The following SUGCT variants were observed in gnomAD, a reference collection of about 807,000 sequenced individuals.
SUGCT encodes the protein succinyl-CoA:glutarate CoA-transferase.
Under a neutral mutation model 55.0 loss-of-function variants are expected in SUGCT, and 41 were observed. The ratio of observed to expected loss-of-function variants is 0.74; its 90% CI spans 0.58 to 0.97. The LOEUF is 0.97. SUGCT is among the 50% of genes least tolerant of loss of function. The pLI is 0.00. For synonymous variants in SUGCT, 187 were observed against 200.4 expected (o/e 0.93, Z 0.56); for missense variants, 568 against 547.8 (o/e 1.04, Z -0.37).
chr7:40,514,037 G>A (rs1793094879), intron 12 of SUGCT, among the ~76,000 whole-genome samples: 2 of 151,798 alleles, frequency 1.3e-5, no homozygotes, highest in African/African-American at 2.4e-5. Flanking sequence ...TGATCCGCCC[G>A]CCTCGGCCTC....
intron 13 of SUGCT, among the ~76,000 whole-genome samples, chr7:40,849,644 G>A (rs1215095103): frequency 6.6e-6 from 1 of 152,144 alleles, no homozygotes; most frequent in Non-Finnish European, 1.5e-5. Context: ...TGGGGTGTTT[G>A]CATAGATTGG....
chr7:40,928,970 C>T, the SUGCT span, among the ~76,000 whole-genome samples: 1 of 151,996 alleles, frequency 6.6e-6, no homozygotes, highest in African/African-American at 2.4e-5. Context: ...TTCTAGGGTA[C>T]ATGTGCACAA....
intron 12 of SUGCT, among the ~76,000 whole-genome samples, chr7:40,605,907 G>C (rs547274854): frequency 3.3e-5 from 5 of 152,310 alleles, no homozygotes; most frequent in Non-Finnish European, 2.9e-5. Flanking sequence ...GGAGTCCAAG[G>C]AGTGGAGCTT....
chr7:40,171,310 A>T (rs1343171349), intron 1 of SUGCT, among the ~76,000 whole-genome samples: 1 of 152,196 alleles, frequency 6.6e-6, no homozygotes, highest in African/African-American at 2.4e-5. Flanking sequence ...CTGAGTGTAA[A>T]CAGCTCACAT....
rs759916398 is a variant in SUGCT, at chr7:40,189,589, A to C, written c.358A>C (p.Lys120Gln). The C allele has an allele frequency of 1.4e-6, 2 of 1,412,366 alleles. No individual in the cohort carries two copies. The highest frequency in any genetic ancestry group is 2.9e-5 in the African/African-American group (2 of 69,536). The allele number at this position is 1,412,366 out of a possible 1,614,324, so 87.5% of individuals were successfully genotyped here. The stretch of plus-strand genomic sequence containing the variant: ...GGATCCAAAAGGGGTGAAAATCATC[A>C]AAGAGGTACAGTATGATGTATAGAA... ...IKDPKGVKII[K>Q]ELAAVCDVFV... The change falls in exon 5 of 14, where the codon AAA becomes CAA. Residue 120 changes from lysine (K) to glutamine (Q), a missense_variant. Transcript: ENST00000335693.
chr7:40,816,778 A>G (rs1249724416), intron 13 of SUGCT, among the ~76,000 whole-genome samples: 2 of 152,198 alleles, frequency 1.3e-5, no homozygotes, highest in African/African-American at 4.8e-5. Flanking sequence ...TAGCAAGCCC[A>G]TTGTATGCAA....
chr7:40,281,404 TC>T (rs1404531734), intron 8 of SUGCT, among the ~76,000 whole-genome samples: 2 of 152,226 alleles, frequency 1.3e-5, no homozygotes, highest in African/African-American at 4.8e-5. Flanking sequence ...TTTTGTTTTT[TC>T]TTCCTTTAAG....
chr7:40,315,870 T>C (rs536210244), intron 8 of SUGCT, among the ~76,000 whole-genome samples: 5 of 152,268 alleles, frequency 3.3e-5, no homozygotes, highest in African/African-American at 1.2e-4. Context: ...TCACCTCCTT[T>C]CCATAGTTCT....
At chr7:40,237,129 G>A (rs910739639) in intron 6 of SUGCT, among the ~76,000 whole-genome samples, 3 of 146,910 alleles carry the variant, frequency 2.0e-5, no homozygotes, top group Non-Finnish European at 3.0e-5. Context: ...CACCGCACCC[G>A]GCCTGAGTTT....
intron 1 of SUGCT, among the ~76,000 whole-genome samples, chr7:40,166,406 G>A (rs1003401267): frequency 1.3e-5 from 2 of 152,142 alleles, no homozygotes; most frequent in Admixed American, 6.5e-5. Flanking sequence ...CTTTCTGAGT[G>A]TCTTATCAGA....
intron 7 of SUGCT, among the ~76,000 whole-genome samples, chr7:40,269,388 T>TCTCA (rs1340989942): frequency 6.6e-6 from 1 of 152,152 alleles, no homozygotes; most frequent in African/African-American, 2.4e-5. Flanking sequence ...AGTGGTGGAA[T>TCTCA]CTCAGCTCAC....
chr7:40,941,875 A>G, the SUGCT span, among the ~76,000 whole-genome samples: 3 of 152,108 alleles, frequency 2.0e-5, no homozygotes, highest in Non-Finnish European at 4.4e-5. Context: ...ATCTGATATT[A>G]TAATAGCTAC....
chr7:40,350,226 G>A (rs1163289392), intron 9 of SUGCT, among the ~76,000 whole-genome samples: 1 of 150,768 alleles, frequency 6.6e-6, no homozygotes, highest in Admixed American at 6.6e-5. Context: ...ATTACAATTT[G>A]ATTTTTAAAA....
intron 9 of SUGCT, among the ~76,000 whole-genome samples, chr7:40,360,149 G>A (rs911655585): frequency 6.6e-6 from 1 of 152,086 alleles, no homozygotes; most frequent in African/African-American, 2.4e-5. Flanking sequence ...AAGTAGCTGG[G>A]ATTACAGGCA....
At chr7:40,270,443 G>A (rs186850748) in intron 7 of SUGCT, among the ~76,000 whole-genome samples, 3 of 152,202 alleles carry the variant, frequency 2.0e-5, no homozygotes, top group African/African-American at 7.2e-5. Context: ...TGTATGTACT[G>A]CAAGGAGGGG....
intron 7 of SUGCT, among the ~76,000 whole-genome samples, chr7:40,259,340 G>C (rs1791062453): frequency 6.6e-6 from 1 of 152,152 alleles, no homozygotes; most frequent in African/African-American, 2.4e-5. Context: ...ATCAAATGCA[G>C]CTTGAGGGAT....
At chr7:40,448,364 A>G (rs1788976316) in intron 9 of SUGCT, among the ~76,000 whole-genome samples, 1 of 152,062 alleles carries the variant, frequency 6.6e-6, no homozygotes, top group South Asian at 2.1e-4. Context: ...TACAGGGAAA[A>G]AATGAAAATA....
chr7:40,991,218 A>C, the SUGCT span, among the ~76,000 whole-genome samples: 1 of 152,146 alleles, frequency 6.6e-6, no homozygotes, highest in Admixed American at 6.5e-5. Flanking sequence ...GTCTCAAAGG[A>C]ATAGGGAGGC....
chr7:40,497,068 T>G (rs1188686479), intron 12 of SUGCT, among the ~76,000 whole-genome samples: 1 of 152,190 alleles, frequency 6.6e-6, no homozygotes, highest in African/African-American at 2.4e-5. Context: ...ATTACTTCAA[T>G]CAAAAAACTA....
Sources: allele counts gnomAD v4.1 joint callset (sites outside exome capture counted in the v4.1 genomes callset), GRCh38; gene constraint gnomAD v4.1.1; transcripts MANE v1.5; gene names NCBI Gene and HGNC (gene_info 2026-07-23, HGNC 2026-07-21).